Variants in MDH2 observed in about 807,000 individuals in gnomAD.
MDH2 encodes the protein malate dehydrogenase 2, also known as malate dehydrogenase, mitochondrial.
In MDH2, 25 loss-of-function variants were observed where a neutral mutation model predicts 33.6. The ratio of observed to expected loss-of-function variants is 0.74; its 90% CI spans 0.54 to 1.04. MDH2 has a LOEUF of 1.04. MDH2 is among the 50% of genes least tolerant of loss of function. The pLI is 0.00. For synonymous variants in MDH2, 193 were observed against 188.7 expected, an observed-to-expected ratio of 1.02 and a Z score of -0.19; for missense variants, 432 against 445.0, an observed-to-expected ratio of 0.97 and a Z score of 0.26.
chr7:76,052,073 C>T (rs2116651369), intron 1 of MDH2, among the ~76,000 whole-genome samples: 1 of 152,296 alleles, frequency 6.6e-6, no homozygotes, highest in Non-Finnish European at 1.5e-5. Flanking sequence ...GTCTTCTTCC[C>T]CTCCCTCCCC....
At chr7:76,057,845 G>A (rs2116675006) in intron 3 of MDH2, 124 bp from the exon 4 acceptor site, 1 of 815,836 alleles carries the variant, frequency 1.2e-6, no homozygotes, top group Non-Finnish European at 2.0e-6. Context: ...CCTGCAAGAG[G>A]GACTGACTTG....
intron 3 of MDH2, 70 bp from the exon 4 acceptor site, chr7:76,057,899 C>T: frequency 6.8e-7 from 1 of 1,461,736 alleles, no homozygotes; most frequent in Non-Finnish European, 9.5e-7. Context: ...ACAGCTGGCG[C>T]TCAGCACATG....
chr7:76,066,650 G>A lies in MDH2; in HGVS notation c.*240G>A. 2.5e-6 allele frequency: 1 copy of A among 402,644 alleles called. No individual in the cohort carries two copies. Among genetic ancestry groups the A allele is most frequent in the Admixed American group, 4.2e-5 (1 of 23,650 alleles). 24.9% of individuals were successfully genotyped at this position (402,644 alleles called of 1,614,324 possible). On this transcript the variant is annotated 3_prime_UTR_variant, in exon 9 of 9. Transcript: ENST00000315758. ...CTTCCCTGTGAGAGCCAACTTTAGA[G>A]TGTCTGCTACCTCTTCATTACCAAT...
At chr7:76,066,226 C>G (rs1490711118) in intron 8 of MDH2, 53 bp from the exon 9 acceptor site, 38 of 1,587,384 alleles carry the variant, frequency 2.4e-5, no homozygotes, top group Non-Finnish European at 3.2e-5. Context: ...CGGGGTTTCT[C>G]TAACAAGCAC....
At chr7:76,065,294 T>G in intron 8 of MDH2, 1 of 211,264 alleles carries the variant, frequency 4.7e-6, no homozygotes, top group South Asian at 1.1e-4. Flanking sequence ...CTTGTTCATC[T>G]TGTTCTGACT....
At chr7:76,063,251 C>A (rs1312022345) in intron 5 of MDH2, among the ~76,000 whole-genome samples, 1 of 152,132 alleles carries the variant, frequency 6.6e-6, no homozygotes, top group Non-Finnish European at 1.5e-5. Flanking sequence ...GGCACAAATG[C>A]TCACTATGAA....
At position 76,048,111 on chromosome 7, in the gene MDH2, C is replaced by T; in HGVS notation, c.-50C>T. On this transcript the variant is annotated 5_prime_UTR_variant, in exon 1 of 9. Transcript: ENST00000315758. ...GTGTGGAGGTCGTTGGAGTCACTTC[C>T]CCGTCACCAGCTCCTGTGCCTGCCA... 1 of 1,536,526 alleles carries T rather than the reference C, an allele frequency of 6.5e-7. No homozygotes were observed. The highest frequency in any genetic ancestry group is 8.7e-7 in the Non-Finnish European group (1 of 1,146,668).
Position 76,048,170 on chromosome 7 carries a change from G to A in MDH2, c.10G>A (p.Ala4Thr), listed in dbSNP as rs1554584431. MLS[A>T]LARPASAALR... Reference sequence around the variant, plus strand: ...CCCTCCCGCTCCAGCCATGCTCTCCGCCCTCGCCCGGCCTGCCAGCGCTGC... The same window carrying A: ...CCCTCCCGCTCCAGCCATGCTCTCCACCCTCGCCCGGCCTGCCAGCGCTGC... Residue 4 changes from alanine to threonine, a missense_variant, in exon 1 of 9, where the codon GCC (alanine) becomes ACC (threonine). Coordinates refer to ENST00000315758, the MANE Select transcript of MDH2 (RefSeq NM_005918.4). 6.5e-7 allele frequency: 1 copy of A among 1,536,504 alleles called. No homozygotes were observed. Among genetic ancestry groups the A allele is most frequent in the Non-Finnish European group, 8.7e-7 (1 of 1,146,576 alleles).
rs1403142197 is a variant in MDH2 at position 76,057,638 on chromosome 7, C to T, written c.319+145C>T. On this transcript the variant is annotated intron_variant, in intron 3 of 8. Transcript: ENST00000315758. ...CCCCTTTCCTGTGGGGTAAAGGTCA[C>T]ATCTCTTTGTTGGCCTGGGATCAAA... 1.6e-5 allele frequency: 13 copies of T among 827,352 alleles called. No individual in the cohort carries two copies. The African/African-American group carries it at 1.9e-4, about 12-fold the overall frequency. The allele number at this position is 827,352 out of a possible 1,614,324, so 51.3% of individuals were successfully genotyped here. A position where few individuals can be genotyped will look rare whatever the true frequency, so the allele number is the denominator to read the frequency against.
chr7:76,055,245 G>A (rs1372087648), intron 2 of MDH2, among the ~76,000 whole-genome samples: 1 of 152,158 alleles, frequency 6.6e-6, no homozygotes, highest in Non-Finnish European at 1.5e-5. Flanking sequence ...TTGAAAAGTA[G>A]TATGAGGATG....
intron 5 of MDH2, among the ~76,000 whole-genome samples, chr7:76,062,137 A>G (rs1797971808): frequency 6.6e-6 from 1 of 152,196 alleles, no homozygotes; most frequent in South Asian, 2.1e-4. Flanking sequence ...CCTGGATCAT[A>G]TCAAGAATGC....
Position 76,058,074 on chromosome 7 carries a change from A to G in MDH2, c.425A>G (p.Asn142Ser). ...GAAGCCATGATCTGCGTCATTGCCAATCCGGTGAGTGTGGCAGCACCCGGC... is the reference window on the plus strand; with the variant it reads ...GAAGCCATGATCTGCGTCATTGCCAGTCCGGTGAGTGTGGCAGCACCCGGC... ...CPEAMICVIANPVNSTIPITA... is the reference protein window; with the variant it reads ...CPEAMICVIASPVNSTIPITA... The change falls in exon 4 of 9, where the codon AAT becomes AGT. Residue 142 changes from asparagine (N) to serine (S), a missense_variant. Asn to Ser is a conservative substitution (Grantham distance 46). Coordinates refer to ENST00000315758, the MANE Select transcript of MDH2 (RefSeq NM_005918.4). The G allele has an allele frequency of 6.2e-7, 1 of 1,612,314 alleles. No individual in the cohort carries two copies. Among genetic ancestry groups the G allele is most frequent in the Non-Finnish European group, 8.5e-7 (1 of 1,179,614 alleles).
chr7:76,048,331 G>A (rs1317111081), intron 1 of MDH2, 105 bp downstream of exon 1: 3 of 1,405,730 alleles, frequency 2.1e-6, no homozygotes, highest in East Asian at 5.2e-5. Flanking sequence ...AGCCTGGACC[G>A]CAGGGATGCC....
rs1554587300 is a variant in MDH2, at chr7:76,063,544, TGTCATTG to T, written c.588_594del (p.Ile197AlafsTer10). On this transcript the variant is annotated frameshift_variant, in exon 6 of 9. Coordinates refer to ENST00000315758, the MANE Select transcript of MDH2 (RefSeq NM_005918.4). LOFTEE classifies it high-confidence loss of function. ...TGGATCCAGCTCGAGTCAACGTCCC[TGTCATTG>T]GTGGCCATGCTGGGAAGACCATCAT... is the stretch of plus-strand genomic sequence containing the variant. 1 of 1,614,260 alleles carries T rather than the reference TGTCATTG, an allele frequency of 6.2e-7. No homozygotes were observed. Among genetic ancestry groups the T allele is most frequent in the Admixed American group, 1.7e-5 (1 of 60,026 alleles).
chr7:76,056,481 A>G (rs1424450776), intron 2 of MDH2, among the ~76,000 whole-genome samples: 1 of 152,136 alleles, frequency 6.6e-6, no homozygotes, highest in Non-Finnish European at 1.5e-5. Context: ...ATGTTCGTGC[A>G]CCTTCCAGAG....
chr7:76,056,986 C>G (rs887320081), intron 2 of MDH2, among the ~76,000 whole-genome samples: 9 of 150,356 alleles, frequency 6.0e-5, no homozygotes, highest in African/African-American at 1.2e-4. Flanking sequence ...GCACTCCAGC[C>G]TGGGTGACAG....
At chr7:76,059,007 G>A (rs952160926) in intron 4 of MDH2, among the ~76,000 whole-genome samples, 8 of 152,144 alleles carry the variant, frequency 5.3e-5, no homozygotes, top group African/African-American at 2.4e-5. Flanking sequence ...GCAGTGGTGC[G>A]ACCTTGGCTT....
Position 76,064,075 on chromosome 7 carries a change from G to A in MDH2, c.634-264G>A, listed in dbSNP as rs138780036. Among the ~76,000 whole-genome samples the A allele has an allele frequency of 6.6e-3, 998 of 151,772 alleles. 12 individuals carry two copies. Among genetic ancestry groups the A allele is most frequent in the African/African-American group, 0.021 (866 of 41,406 alleles). On this transcript the variant is annotated intron_variant, in intron 6 of 8. Coordinates refer to ENST00000315758, the MANE Select transcript of MDH2 (RefSeq NM_005918.4). Reference sequence around the variant, plus strand: ...ACTCACCACACTTCCCAACAGAGTTGATTTCACTTCGTCTTTTTTTTTTTT... The same window carrying A: ...ACTCACCACACTTCCCAACAGAGTTAATTTCACTTCGTCTTTTTTTTTTTT...
At chr7:76,057,940 GT>G in intron 3 of MDH2, 28 bp from the exon 4 acceptor site, 1 of 1,604,696 alleles carries the variant, frequency 6.2e-7, no homozygotes, top group Non-Finnish European at 8.5e-7. Flanking sequence ...GGTGTTCTCT[GT>G]TAACATCTCA....
Sources: allele counts gnomAD v4.1 joint callset (sites outside exome capture counted in the v4.1 genomes callset), GRCh38; gene constraint gnomAD v4.1.1; transcripts MANE v1.5; gene names NCBI Gene and HGNC (gene_info 2026-07-23, HGNC 2026-07-21).